DGKB: variants seen among roughly 807,000 people sequenced by gnomAD.
DGKB encodes the protein 90 kDa diacylglycerol kinase.
A neutral mutation model predicts 114.3 loss-of-function variants in DGKB; 67 were observed. The observed-to-expected ratio is 0.59, with a 90% CI of 0.48 to 0.72. The LOEUF (loss-of-function observed/expected upper bound fraction) is 0.72, where lower values mean the gene tolerates loss of function less well. DGKB is among the 30% of genes least tolerant of loss of function. The pLI is 0.00. For missense variants in DGKB, 907 were observed against 975.2 expected (o/e 0.93, Z 0.93); for synonymous variants, 398 against 323.1 (o/e 1.23, Z -2.49).
At chr7:14,182,692 C>T (rs1043795622) in intron 23 of DGKB, among the ~76,000 whole-genome samples, 1 of 152,100 alleles carries the variant, frequency 6.6e-6, no homozygotes, top group Non-Finnish European at 1.5e-5. Flanking sequence ...AAGTCAGGGG[C>T]ACATATAGAT....
chr7:14,710,553 C>A (rs1827192048), intron 6 of DGKB, among the ~76,000 whole-genome samples: 1 of 152,054 alleles, frequency 6.6e-6, no homozygotes. Flanking sequence ...AGAGTAGTGG[C>A]CATTCTTGTC....
At chr7:14,169,379 A>AG (rs1234460625) in intron 25 of DGKB, among the ~76,000 whole-genome samples, 1 of 151,600 alleles carries the variant, frequency 6.6e-6, no homozygotes, top group Non-Finnish European at 1.5e-5. Flanking sequence ...AAAAAAAAAA[A>AG]AAAAGAAATG....
At chr7:14,670,360 T>C (rs1818763561) in intron 13 of DGKB, among the ~76,000 whole-genome samples, 1 of 151,704 alleles carries the variant, frequency 6.6e-6, no homozygotes, top group African/African-American at 2.4e-5. Context: ...TGGAGTGCAG[T>C]GATGCAATCT....
chr7:14,957,286 C>G (rs1786564911), intron 1 of DGKB, among the ~76,000 whole-genome samples: 1 of 151,782 alleles, frequency 6.6e-6, no homozygotes, highest in South Asian at 2.1e-4. Context: ...AGTGATACAC[C>G]AAGAAGAAAG....
At chr7:14,333,751 T>A (rs1313738746) in intron 23 of DGKB, among the ~76,000 whole-genome samples, 1 of 152,100 alleles carries the variant, frequency 6.6e-6, no homozygotes, top group Admixed American at 6.5e-5. Flanking sequence ...CCTTGAGAGG[T>A]CCTCACTCTT....
intron 23 of DGKB, among the ~76,000 whole-genome samples, chr7:14,293,116 G>T (rs888927349): frequency 1.3e-5 from 2 of 152,158 alleles, no homozygotes; most frequent in African/African-American, 4.8e-5. Context: ...TTTACTTACA[G>T]ATATTGCTAT....
chr7:14,701,679 A>G lies in DGKB; in HGVS notation c.516+2T>C, dbSNP rs767622044. ...CACAGAAACTTTGAAGAAAAAAATT[A>G]CCGAGCTGTCCAGGAAGCCATTCCC... On this transcript the variant is annotated splice_donor_variant, in intron 7 of 25. Coordinates refer to ENST00000402815, the MANE Select transcript of DGKB (RefSeq NM_001350709.2). LOFTEE classifies it high-confidence loss of function. 1 of 1,605,994 alleles carries G rather than the reference A, an allele frequency of 6.2e-7. No individual in the cohort carries two copies. The highest frequency in any genetic ancestry group is 8.5e-7 in the Non-Finnish European group (1 of 1,173,158).
chr7:14,896,891 A>C (rs1782190876), intron 1 of DGKB, among the ~76,000 whole-genome samples: 1 of 151,846 alleles, frequency 6.6e-6, no homozygotes, highest in Admixed American at 6.6e-5. Context: ...ACTTCTCCAT[A>C]ACCTTATTCA....
intron 2 of DGKB, among the ~76,000 whole-genome samples, chr7:14,836,186 C>T (rs977342416): frequency 6.6e-6 from 1 of 152,188 alleles, no homozygotes; most frequent in African/African-American, 2.4e-5. Flanking sequence ...CACTAAGTCA[C>T]ACCACATGCC....
chr7:14,338,505 G>C lies in DGKB; in HGVS notation c.2122+10C>G. The stretch of plus-strand genomic sequence containing the variant: ...CAAGCAATTTAACAACTAATTGTTA[G>C]AAAACTGACCTTGACTTGCAAACTT... On this transcript the variant is annotated intron_variant, in intron 23 of 25. Coordinates refer to ENST00000402815, the MANE Select transcript of DGKB (RefSeq NM_001350709.2). 1 of 1,537,682 alleles carries C rather than the reference G, an allele frequency of 6.5e-7. No individual in the cohort carries two copies. The highest frequency in any genetic ancestry group is 8.7e-7 in the Non-Finnish European group (1 of 1,143,956).
chr7:14,812,007 G>A (rs56219034), intron 2 of DGKB, among the ~76,000 whole-genome samples: 1 of 151,872 alleles, frequency 6.6e-6, no homozygotes, highest in Non-Finnish European at 1.5e-5. Flanking sequence ...CGAATTTGAC[G>A]ACTCTAGGTA....
At chr7:14,286,371 T>C (rs561611947) in intron 23 of DGKB, among the ~76,000 whole-genome samples, 1 of 152,272 alleles carries the variant, frequency 6.6e-6, no homozygotes, top group African/African-American at 2.4e-5. Flanking sequence ...ATCAATTTTT[T>C]GGCATCTAAA....
At chr7:14,481,530 A>C (rs1196547556) in intron 20 of DGKB, among the ~76,000 whole-genome samples, 1 of 151,900 alleles carries the variant, frequency 6.6e-6, no homozygotes, top group East Asian at 1.9e-4. Flanking sequence ...TTGTCGAGTA[A>C]ATTGTTCATT....
At chr7:14,254,982 G>A (rs1795753414) in intron 23 of DGKB, among the ~76,000 whole-genome samples, 1 of 152,042 alleles carries the variant, frequency 6.6e-6, no homozygotes, top group Admixed American at 6.6e-5. Context: ...ACGTGGCAAG[G>A]CACCAGTAGA....
At chr7:14,637,254 A>G (rs762102306) in intron 13 of DGKB, among the ~76,000 whole-genome samples, 3 of 151,986 alleles carry the variant, frequency 2.0e-5, no homozygotes, top group Non-Finnish European at 4.4e-5. Flanking sequence ...ATATATACAT[A>G]TTTTCAAGCT....
intron 23 of DGKB, among the ~76,000 whole-genome samples, chr7:14,183,375 G>A (rs993142802): frequency 2.0e-5 from 3 of 152,150 alleles, no homozygotes; most frequent in African/African-American, 4.8e-5. Flanking sequence ...ATTTTAAAAG[G>A]GGGTGGGTAG....
Position 14,574,279 on chromosome 7 carries a change from T to G in DGKB, c.1703A>C (p.Asn568Thr), listed in dbSNP as rs1402756818. The change falls in exon 20 of 26, where the codon AAT (asparagine) becomes ACT (threonine). Residue 568 changes from asparagine (N) to threonine (T), a missense_variant. Around this residue, in one of 3 missense-constraint regions of DGKB, gnomAD observed 814 missense variants for 856.6 expected, o/e 0.95. Transcript: ENST00000402815. ...TGGGTCTCCTTTCTCATCTTTGTCA[T>G]TAGGTATGACTTCAAACTTCCACCT... ...LDRWKFEVIP[N>T]DKDEKGDPVP... The G allele has an allele frequency of 6.2e-7, 1 of 1,613,178 alleles. No individual in the cohort carries two copies. Among genetic ancestry groups the G allele is most frequent in the African/African-American group, 1.3e-5 (1 of 74,884 alleles).
At chr7:14,716,233 A>C (rs1384487371) in intron 6 of DGKB, among the ~76,000 whole-genome samples, 2 of 152,156 alleles carry the variant, frequency 1.3e-5, no homozygotes, top group African/African-American at 4.8e-5. Flanking sequence ...GATCCCTAGA[A>C]CAATAGCATC....
chr7:14,200,070 T>G (rs1182718566), intron 23 of DGKB, among the ~76,000 whole-genome samples: 1 of 152,022 alleles, frequency 6.6e-6, no homozygotes, highest in South Asian at 2.1e-4. Context: ...GAGGCCAACA[T>G]GCCACTGCAT....
Sources: allele counts gnomAD v4.1 joint callset (sites outside exome capture counted in the v4.1 genomes callset), GRCh38; gene constraint gnomAD v4.1.1; regional missense constraint gnomAD v4.1.1; transcripts MANE v1.5; gene names NCBI Gene and HGNC (gene_info 2026-07-23, HGNC 2026-07-21).